Variants in ADAMTS20 observed in about 807,000 individuals in gnomAD.
The protein encoded by ADAMTS20 is ADAM metallopeptidase with thrombospondin type 1 motif 20, also known as A disintegrin and metalloproteinase with thrombospondin motifs 20.
In ADAMTS20, 225 loss-of-function variants were observed where a neutral mutation model predicts 260.1. The ratio of observed to expected loss-of-function variants is 0.87; its 90% CI spans 0.78 to 0.97. The LOEUF is 0.97. Among genes scored for constraint, ADAMTS20 ranks in the 50% least tolerant of loss-of-function variants. ADAMTS20 has a pLI of 0.00. For missense variants in ADAMTS20, 2,400 were observed against 2,337.7 expected (o/e 1.03, Z -0.55); for synonymous variants, 802 against 769.5 (o/e 1.04, Z -0.70).
rs79075751 is a variant in ADAMTS20 at position 43,501,055 on chromosome 12, C to CTTTTTTTTTTTTTTT, written c.867+1082_867+1096dup. On this transcript the variant is annotated intron_variant, in intron 4 of 38. Coordinates refer to ENST00000389420, the MANE Select transcript of ADAMTS20 (RefSeq NM_025003.5). ...TCTATAAATAGGTGGCTATGTAATT[C>CTTTTTTTTTTTTTTT]TTTTTTTTTTTTTTTTTTTTGAGTC... Among the ~76,000 whole-genome samples the CTTTTTTTTTTTTTTT allele has an allele frequency of 3.0e-4, 31 of 104,862 alleles. 3 individuals carry two copies. Among genetic ancestry groups the CTTTTTTTTTTTTTTT allele is most frequent in the East Asian group, 8.3e-4 (2 of 2,410 alleles). 68.8% of individuals were successfully genotyped at this position (104,862 alleles called of 152,430 possible). A position where few individuals can be genotyped will look rare whatever the true frequency, so the allele number is the denominator to read the frequency against.
At chr12:43,467,262 C>A (rs570266757) in intron 8 of ADAMTS20, among the ~76,000 whole-genome samples, 1 of 152,088 alleles carries the variant, frequency 6.6e-6, no homozygotes, top group African/African-American at 2.4e-5. Context: ...ATATGAAAGA[C>A]CCTAAATACT....
Position 43,369,411 on chromosome 12 carries a change from A to G in ADAMTS20, c.5447-30T>C, listed in dbSNP as rs368064029. 5.2e-6 allele frequency: 7 copies of G among 1,339,370 alleles called. No homozygotes were observed. In the African/African-American group the frequency reaches 1.1e-4, roughly 20 times the overall value. 83.0% of individuals were successfully genotyped at this position (1,339,370 alleles called of 1,614,324 possible). On this transcript the variant is annotated intron_variant, in intron 36 of 38. Coordinates refer to ENST00000389420, the MANE Select transcript of ADAMTS20 (RefSeq NM_025003.5). ...AAAATAATAAATAAAACTCTTTAGC[A>G]TGGAGACAATAATGCAATCGTTGTT...
intron 29 of ADAMTS20, 64 bp downstream of exon 29, chr12:43,399,002 A>G: frequency 4.6e-6 from 5 of 1,094,710 alleles, no homozygotes; most frequent in Non-Finnish European, 5.9e-6. Flanking sequence ...ATGAAAAATA[A>G]GAATGAATTT....
Position 43,377,445 on chromosome 12 carries a change from C to T in ADAMTS20, c.4915G>A (p.Val1639Met), listed in dbSNP as rs375276297. The T allele has an allele frequency of 1.1e-4, 172 of 1,613,480 alleles. No individual in the cohort carries two copies. Among genetic ancestry groups the T allele is most frequent in the Non-Finnish European group, 1.4e-4 (168 of 1,179,722 alleles). ...TGGTAAACCTGAGAGGAAGGCACCA[C>T]AGGGCATTCTTGATAAACTATAGGC... ...LRPIVYQECPVVPSSQVYQCI... is the reference protein window; with the variant it reads ...LRPIVYQECPMVPSSQVYQCI... Residue 1639 changes from valine (V) to methionine (M), a missense_variant, in exon 32 of 39, where the codon GTG becomes ATG. Physicochemically the swap from Val to Met is conservative, Grantham distance 21. Transcript: ENST00000389420.
chr12:43,447,632 C>T (rs1941787214), intron 14 of ADAMTS20, among the ~76,000 whole-genome samples: 2 of 151,894 alleles, frequency 1.3e-5, no homozygotes. Context: ...TACTGAAAGT[C>T]CTGGCCAGAA....
chr12:43,436,904 G>A (rs1448808954), intron 18 of ADAMTS20, among the ~76,000 whole-genome samples: 2 of 152,276 alleles, frequency 1.3e-5, no homozygotes, highest in East Asian at 3.9e-4. Flanking sequence ...AATAACATTT[G>A]AGACTTCTCT....
chr12:43,517,564 C>T (rs568256428), intron 3 of ADAMTS20, among the ~76,000 whole-genome samples: 31 of 152,048 alleles, frequency 2.0e-4, no homozygotes, highest in African/African-American at 7.0e-4. Flanking sequence ...GACGATATAA[C>T]GTATTCATGG....
chr12:43,409,329 G>A (rs948073792), intron 28 of ADAMTS20, among the ~76,000 whole-genome samples: 8 of 151,756 alleles, frequency 5.3e-5, no homozygotes, highest in African/African-American at 2.4e-5. Context: ...TAGGCCAGGC[G>A]CGGTGGCTCA....
chr12:43,386,284 CT>C (rs1940475249), intron 29 of ADAMTS20, among the ~76,000 whole-genome samples: 1 of 152,122 alleles, frequency 6.6e-6, no homozygotes, highest in Non-Finnish European at 1.5e-5. Flanking sequence ...GTTGAAAATT[CT>C]TTTCTTTAAA....
chr12:43,409,527 G>A (rs1404601798), intron 28 of ADAMTS20, among the ~76,000 whole-genome samples: 3 of 141,774 alleles, frequency 2.1e-5, no homozygotes, highest in Non-Finnish European at 4.5e-5. Context: ...GCGTGAACCC[G>A]GGAGGCGGAG....
At chr12:43,502,592 T>G (rs1942784873) in intron 3 of ADAMTS20, among the ~76,000 whole-genome samples, 187 bp from the exon 4 acceptor site, 1 of 152,152 alleles carries the variant, frequency 6.6e-6, no homozygotes, top group Non-Finnish European at 1.5e-5. Context: ...TTGCTTTTTA[T>G]AGTAATAAAA....
chr12:43,502,374 A>C lies in ADAMTS20; in HGVS notation c.645T>G (p.Phe215Leu), dbSNP rs977652578. 9 of 1,603,452 alleles carry C rather than the reference A, an allele frequency of 5.6e-6. No homozygotes were observed. The highest frequency in any genetic ancestry group is 6.8e-6 in the Non-Finnish European group (8 of 1,177,326). Residue 215 changes from phenylalanine to leucine, a missense_variant, in exon 4 of 39, where the codon TTT becomes TTG. Transcript: ENST00000389420. ...ESQIKETSLP[F>L]HTYSNMNEDL... ...CTTCATTCATGTTGCTGTAGGTATG[A>C]AAGGGTAAACTGGTTTCCTTTATTT...
chr12:43,519,302 G>A (rs1295569126), intron 3 of ADAMTS20, among the ~76,000 whole-genome samples: 1 of 152,068 alleles, frequency 6.6e-6, no homozygotes, highest in Non-Finnish European at 1.5e-5. Flanking sequence ...ACAACCTGGA[G>A]CCACCCATAA....
chr12:43,449,237 G>A (rs1482178727), intron 14 of ADAMTS20, among the ~76,000 whole-genome samples: 1 of 152,082 alleles, frequency 6.6e-6, no homozygotes, highest in Non-Finnish European at 1.5e-5. Flanking sequence ...ATGAACCTAA[G>A]TGTCCATTAA....
At chr12:43,393,351 C>G (rs921482530) in intron 29 of ADAMTS20, among the ~76,000 whole-genome samples, 1 of 151,900 alleles carries the variant, frequency 6.6e-6, no homozygotes, top group Non-Finnish European at 1.5e-5. Flanking sequence ...GACTGGGATG[C>G]ACTACTTCTT....
intron 36 of ADAMTS20, among the ~76,000 whole-genome samples, chr12:43,375,028 T>C (rs939987508): frequency 1.3e-5 from 2 of 152,066 alleles, no homozygotes; most frequent in African/African-American, 4.8e-5. Flanking sequence ...AAAAGTTAGC[T>C]GGGCATGGTG....
downstream of ADAMTS20, chr12:43,353,732 A>C (rs1191960261): frequency 6.6e-6 from 1 of 152,124 alleles, no homozygotes; most frequent in Non-Finnish European, 1.5e-5. Flanking sequence ...GTAACTATTG[A>C]TTTGCTATTT....
At chr12:43,521,636 C>G (rs1480962776) in intron 3 of ADAMTS20, among the ~76,000 whole-genome samples, 1 of 152,160 alleles carries the variant, frequency 6.6e-6, no homozygotes, top group Non-Finnish European at 1.5e-5. Flanking sequence ...GCAACTAATA[C>G]AAATATTTTT....
chr12:43,500,110 C>T (rs143178943), intron 4 of ADAMTS20, among the ~76,000 whole-genome samples: 4 of 151,892 alleles, frequency 2.6e-5, no homozygotes, highest in African/African-American at 9.7e-5. Flanking sequence ...CTCACTGCAA[C>T]CTCCATCTCC....
Sources: allele counts gnomAD v4.1 joint callset (sites outside exome capture counted in the v4.1 genomes callset), GRCh38; gene constraint gnomAD v4.1.1; transcripts MANE v1.5; gene names NCBI Gene and HGNC (gene_info 2026-07-23, HGNC 2026-07-21).